The following PLXNA2 variants were observed in gnomAD, a reference collection of about 807,000 sequenced individuals.
PLXNA2 encodes the protein plexin-A2.
A neutral mutation model predicts 193.5 loss-of-function variants in PLXNA2; 91 were observed. The ratio of observed to expected loss-of-function variants is 0.47; its 90% CI spans 0.40 to 0.56. The LOEUF (loss-of-function observed/expected upper bound fraction) is 0.56, where lower values mean the gene tolerates loss of function less well. Among genes scored for constraint, PLXNA2 ranks in the 20% least tolerant of loss-of-function variants. The pLI is 0.00. For synonymous variants in PLXNA2, 997 were observed against 1,027.3 expected (o/e 0.97, Z 0.56); for missense variants, 1,995 against 2,503.2 (o/e 0.80, Z 4.33).
At chr1:208,174,272 A>G (rs1221764585) in intron 3 of PLXNA2, among the ~76,000 whole-genome samples, 60 of 152,092 alleles carry the variant, frequency 3.9e-4, no homozygotes, top group Non-Finnish European at 1.5e-5. Context: ...CTGGCAGCCA[A>G]TGGTTGTGTG....
At chr1:208,077,672 T>C (rs926696723) in intron 12 of PLXNA2, among the ~76,000 whole-genome samples, 2 of 152,174 alleles carry the variant, frequency 1.3e-5, no homozygotes, top group Admixed American at 6.5e-5. Context: ...CACGGAGCCC[T>C]GAGCAGCTCA....
Position 208,045,098 on chromosome 1 carries a change from G to C in PLXNA2, c.3608C>G (p.Pro1203Arg), listed in dbSNP as rs766873065. 19 of 1,614,150 alleles carry C rather than the reference G, an allele frequency of 1.2e-5. No homozygotes were observed. The highest frequency in any genetic ancestry group is 1.6e-5 in the Non-Finnish European group (19 of 1,180,032). The change falls in exon 19 of 32, where the codon CCT becomes CGT. Residue 1203 changes from proline to arginine, a missense_variant. Pro to Arg is a moderately radical substitution (Grantham distance 103, BLOSUM62 -2). Coordinates refer to ENST00000367033, the MANE Select transcript of PLXNA2 (RefSeq NM_025179.4). ...TVSETQLLCE[P>R]PNLTGQHKVM... ...CTTGTGCTGCCCGGTGAGGTTGGGAGGCTCGCAGAGAAGCTGGGTCTCAGA... is the reference window on the plus strand; with the variant it reads ...CTTGTGCTGCCCGGTGAGGTTGGGACGCTCGCAGAGAAGCTGGGTCTCAGA...
chr1:208,084,536 G>T lies in PLXNA2; in HGVS notation c.2142C>A (p.Val714=), dbSNP rs1414442642. The T allele has an allele frequency of 6.2e-7, 1 of 1,614,210 alleles. No individual in the cohort carries two copies. Among genetic ancestry groups the T allele is most frequent in the East Asian group, 2.2e-5 (1 of 44,884 alleles). The change falls in exon 10 of 32, where the codon GTC becomes GTA. Residue 714 remains valine, a synonymous_variant. Coordinates refer to ENST00000367033, the MANE Select transcript of PLXNA2 (RefSeq NM_025179.4). The part of the protein sequence containing the change: ...LVPTEEILIP[V]GEVKPITLKA... ...TAAGGGTGATTGGCTTTACCTCCCCGACTGGAATCAAGATCTCCTCTGTGG... is the reference window on the plus strand; with the variant it reads ...TAAGGGTGATTGGCTTTACCTCCCCTACTGGAATCAAGATCTCCTCTGTGG...
intron 26 of PLXNA2, among the ~76,000 whole-genome samples, chr1:208,036,642 TCA>T (rs1432500838): frequency 6.6e-6 from 1 of 152,296 alleles, no homozygotes; most frequent in African/African-American, 2.4e-5. Flanking sequence ...ATCATCATCA[TCA>T]CAGTCTCCCA....
chr1:208,048,545 T>G (rs1242245672), intron 17 of PLXNA2, among the ~76,000 whole-genome samples: 1 of 152,196 alleles, frequency 6.6e-6, no homozygotes, highest in Non-Finnish European at 1.5e-5. Context: ...CTTAAGTCCT[T>G]GGAACATTGA....
intron 3 of PLXNA2, among the ~76,000 whole-genome samples, chr1:208,183,607 A>AGGGGGGGG (rs367756173): frequency 3.8e-5 from 4 of 105,196 alleles, no homozygotes; most frequent in African/African-American, 1.5e-4. Context: ...AGAGAGGGAG[A>AGGGGGGGG]GGGGGGGGTC....
chr1:208,238,120 T>A (rs1671927530), intron 1 of PLXNA2, among the ~76,000 whole-genome samples: 2 of 151,892 alleles, frequency 1.3e-5, no homozygotes, highest in Admixed American at 6.6e-5. Context: ...GGCTGGGAGG[T>A]GCTAGGGTTC....
chr1:208,107,383 AATT>A (rs1667303952), intron 4 of PLXNA2, among the ~76,000 whole-genome samples: 1 of 152,126 alleles, frequency 6.6e-6, no homozygotes, highest in Non-Finnish European at 1.5e-5. Context: ...CTATGGAAGG[AATT>A]AGAGGGATTT....
At chr1:208,123,482 C>A (rs1417599585) in intron 4 of PLXNA2, among the ~76,000 whole-genome samples, 1 of 152,122 alleles carries the variant, frequency 6.6e-6, no homozygotes, top group East Asian at 1.9e-4. Flanking sequence ...GCCTTTTGCA[C>A]CCTCCACACA....
At chr1:208,116,674 T>A (rs1469559421) in intron 4 of PLXNA2, among the ~76,000 whole-genome samples, 1 of 152,160 alleles carries the variant, frequency 6.6e-6, no homozygotes, top group Non-Finnish European at 1.5e-5. Context: ...TCCCTTAACC[T>A]CCCTGGGCCT....
rs1300967937 is a variant in PLXNA2 at position 208,039,746 on chromosome 1, A to G, written c.4375T>C (p.Phe1459Leu). Residue 1459 changes from phenylalanine to leucine, a missense_variant, in exon 24 of 32, where the codon TTC becomes CTC. By Grantham distance (22) the Phe-to-Leu change is conservative. Transcript: ENST00000367033. ...TGCTTGATGGCACAGTATAGCATGA[A>G]GAGTGGCTCCCCTGCGCACTCCTGT... ...FLKECAGEPL[F>L]MLYCAIKQQM... is the part of the protein sequence containing the mutation. The G allele has an allele frequency of 6.2e-7, 1 of 1,614,138 alleles. No individual in the cohort carries two copies.
intron 3 of PLXNA2, among the ~76,000 whole-genome samples, chr1:208,162,306 A>G (rs1465562897): frequency 6.6e-6 from 1 of 152,220 alleles, no homozygotes; most frequent in Non-Finnish European, 1.5e-5. Context: ...TTCTCCAAAG[A>G]GGAGGTAGAA....
At chr1:208,031,455 GT>G (rs1553271389) in intron 29 of PLXNA2, 134 bp downstream of exon 29, 1 of 1,139,758 alleles carries the variant, frequency 8.8e-7, no homozygotes, top group Non-Finnish European at 1.2e-6. Context: ...TGCACTGTTT[GT>G]TCCAGGAGCT....
chr1:208,105,276 G>T (rs762501796), intron 4 of PLXNA2, among the ~76,000 whole-genome samples: 42 of 152,224 alleles, frequency 2.8e-4, no homozygotes, highest in African/African-American at 9.4e-4. Flanking sequence ...GAGCAGTATG[G>T]CTGCAGTGGG....
In PLXNA2 at chr1:208,038,221, C is replaced by T. The variant is rs2102311481; in HGVS notation, c.4764+150G>A. On this transcript the variant is annotated intron_variant, in intron 26 of 31. Coordinates refer to ENST00000367033, the MANE Select transcript of PLXNA2 (RefSeq NM_025179.4). The surrounding 1 kb of genome is among the most constrained non-coding windows in gnomAD (Gnocchi z 4.1). Reference sequence around the variant, plus strand: ...TCCCTCAGTAATTCCAATGGGCAGCCATGGCTAAGAATCCCTGTTCTATGC... The same window carrying T: ...TCCCTCAGTAATTCCAATGGGCAGCTATGGCTAAGAATCCCTGTTCTATGC... The T allele has an allele frequency of 1.6e-6, 1 of 628,388 alleles. No individual in the cohort carries two copies. The highest frequency in any genetic ancestry group is 2.7e-5 in the East Asian group (1 of 36,902). The allele number at this position is 628,388 out of a possible 1,614,324, so 38.9% of individuals were successfully genotyped here.
intron 5 of PLXNA2, among the ~76,000 whole-genome samples, chr1:208,102,280 C>T (rs555630513): frequency 6.6e-6 from 1 of 152,354 alleles, no homozygotes; most frequent in South Asian, 2.1e-4. Flanking sequence ...CCGCCTCCAC[C>T]CCAAACCCAG....
At chr1:208,074,052 C>T (rs367588043) in intron 12 of PLXNA2, among the ~76,000 whole-genome samples, 9 of 152,370 alleles carry the variant, frequency 5.9e-5, no homozygotes, top group East Asian at 3.9e-4. Context: ...AACTGATACA[C>T]TCGCTTGGAG....
intron 15 of PLXNA2, 28 bp from the exon 16 acceptor site, chr1:208,051,451 G>A: frequency 1.3e-6 from 2 of 1,595,634 alleles, no homozygotes; most frequent in Non-Finnish European, 8.5e-7. Context: ...GGAGGGTTGA[G>A]AAGAAAGGCA....
chr1:208,041,287 C>G (rs570932921), intron 22 of PLXNA2, among the ~76,000 whole-genome samples: 1 of 152,234 alleles, frequency 6.6e-6, no homozygotes, highest in African/African-American at 2.4e-5. Context: ...GGGTGGTGAA[C>G]GGAGGTGCAG....
Sources: allele counts gnomAD v4.1 joint callset (sites outside exome capture counted in the v4.1 genomes callset), GRCh38; gene constraint gnomAD v4.1.1; non-coding constraint Gnocchi (gnomAD v3.1); transcripts MANE v1.5; gene names NCBI Gene and HGNC (gene_info 2026-07-23, HGNC 2026-07-21).